The following ATP8B4 variants were observed in gnomAD, a reference collection of about 807,000 sequenced individuals.
ATP8B4 encodes probable phospholipid-transporting ATPase IM.
In ATP8B4, 133 loss-of-function variants were observed where a neutral mutation model predicts 145.6. The ratio of observed to expected loss-of-function variants is 0.91; its 90% CI spans 0.79 to 1.05. The LOEUF is 1.05. ATP8B4 is among the 50% of genes least tolerant of loss of function. The pLI is 0.00. For synonymous variants in ATP8B4, 507 were observed against 492.9 expected, an observed-to-expected ratio of 1.03 and a Z score of -0.38; for missense variants, 1,458 against 1,425.2, an observed-to-expected ratio of 1.02 and a Z score of -0.37.
chr15:50,077,747 G>A (rs2054276048), intron 2 of ATP8B4, among the ~76,000 whole-genome samples: 1 of 152,138 alleles, frequency 6.6e-6, no homozygotes, highest in African/African-American at 2.4e-5. Flanking sequence ...CCCACAAAGA[G>A]AGCAGACAAC....
At chr15:50,100,587 T>C (rs1600380647) in intron 2 of ATP8B4, among the ~76,000 whole-genome samples, 2 of 152,248 alleles carry the variant, frequency 1.3e-5, no homozygotes, top group South Asian at 2.1e-4. Context: ...AATAAAAAGC[T>C]CTCCAGACTA....
Position 49,876,600 on chromosome 15 carries a change from T to C in ATP8B4, c.2782-77A>G, listed in dbSNP as rs28546523. On this transcript the variant is annotated intron_variant, in intron 24 of 27. Coordinates refer to ENST00000284509, the MANE Select transcript of ATP8B4 (RefSeq NM_024837.4). ...GCCTTGTATTCCCTATCTTCAGAAA[T>C]AGCAAATGCCTGTTTAAACATGTCC... The C allele has an allele frequency of 2.3e-3, 3,678 of 1,573,094 alleles. 94 individuals carry two copies. In the African/African-American group the frequency reaches 0.045, roughly 19 times the overall value.
At chr15:50,128,549 CAG>C (rs2057322171) in intron 1 of ATP8B4, among the ~76,000 whole-genome samples, 1 of 152,202 alleles carries the variant, frequency 6.6e-6, no homozygotes, top group Non-Finnish European at 1.5e-5. Flanking sequence ...TCTACTGTCA[CAG>C]AGTCACACAG....
rs2041509718 is a variant in ATP8B4 at position 49,934,035 on chromosome 15, A to T, written c.1435T>A (p.Ser479Thr). 6.2e-7 allele frequency: 1 copy of T among 1,609,932 alleles called. No homozygotes were observed. Among genetic ancestry groups the T allele is most frequent in the Non-Finnish European group, 8.5e-7 (1 of 1,178,268 alleles). Reference sequence around the variant, plus strand: ...CACTTACCTGCGCTATTCTCTTCTGACATTACAGTGTGGCAGAGAGCAAGT... The same window carrying T: ...CACTTACCTGCGCTATTCTCTTCTGTCATTACAGTGTGGCAGAGAGCAAGT... ...RLLALCHTVM[S>T]EENSAGELIY... Residue 479 changes from serine (S) to threonine (T), a missense_variant, in exon 15 of 28, where the codon TCA becomes ACA. By Grantham distance (58) the Ser-to-Thr change is moderately conservative (BLOSUM62 1). Transcript: ENST00000284509.
rs1428956644 is a variant in ATP8B4 at position 49,858,947 on chromosome 15, GGTAGGTA to G, written c.*1240_*1246del. The G allele has an allele frequency of 1.3e-5, 2 of 152,130 alleles. No homozygotes were observed. The highest frequency in any genetic ancestry group is 2.9e-5 in the Non-Finnish European group (2 of 68,028). 9.4% of individuals were successfully genotyped at this position (152,130 alleles called of 1,614,324 possible). On this transcript the variant is annotated 3_prime_UTR_variant, in exon 28 of 28. Coordinates refer to ENST00000284509, the MANE Select transcript of ATP8B4 (RefSeq NM_024837.4). The stretch of plus-strand genomic sequence containing the variant: ...AGACAATCATCAACCAACCACATGA[GGTAGGTA>G]GTATGTCCTCATTTTACAGAGGAAG...
chr15:50,027,947 A>G (rs2050137835), intron 6 of ATP8B4, among the ~76,000 whole-genome samples: 1 of 152,250 alleles, frequency 6.6e-6, no homozygotes, highest in African/African-American at 2.4e-5. Flanking sequence ...CCTATCAGCA[A>G]TGTTAAGTGA....
At position 50,126,821 on chromosome 15, in the gene ATP8B4, A is replaced by G. The variant is rs533746581; in HGVS notation, c.-42-19813T>C. ...TAGAAACTAAAAATAACATCTTAAC[A>G]TATGTCCCTGAGCTGTTTTGCAGAA... On this transcript the variant is annotated intron_variant, in intron 1 of 3. Transcript: ENST00000558829. Among the ~76,000 whole-genome samples, 5 of 152,266 alleles carry G rather than the reference A, an allele frequency of 3.3e-5. No individual in the cohort carries two copies. The South Asian group carries it at 1.0e-3, about 32-fold the overall frequency.
intron 5 of ATP8B4, among the ~76,000 whole-genome samples, chr15:50,044,261 T>G (rs901920343): frequency 1.2e-4 from 18 of 152,334 alleles, no homozygotes; most frequent in African/African-American, 4.3e-4. Flanking sequence ...TGATAAAGAA[T>G]AAGTAACACT....
rs568673215 is a variant in ATP8B4, at chr15:49,963,800, C to A, written c.1244-1780G>T. Among the ~76,000 whole-genome samples, 13 of 152,120 alleles carry A rather than the reference C, an allele frequency of 8.5e-5. No individual in the cohort carries two copies. The South Asian group carries it at 1.9e-3, about 22-fold the overall frequency. On this transcript the variant is annotated intron_variant, in intron 13 of 27. Transcript: ENST00000284509. The stretch of plus-strand genomic sequence containing the variant: ...TCAAGAATAGCTAAAGGATGCTGGG[C>A]TTAATACCTAGGTGATGGGATGATC...
chr15:50,161,819 CTG>C (rs138352943), intron 1 of ATP8B4, among the ~76,000 whole-genome samples: 12,719 of 152,034 alleles, frequency 0.084, 618 homozygotes, highest in African/African-American at 0.13. Flanking sequence ...TTGTAATATT[CTG>C]TGTTTTTCTC....
intron 17 of ATP8B4, among the ~76,000 whole-genome samples, chr15:49,921,219 A>T (rs1436481294): frequency 1.3e-5 from 2 of 152,216 alleles, no homozygotes; most frequent in Non-Finnish European, 2.9e-5. Flanking sequence ...TTGCTGTATT[A>T]AAGTTTTATC....
At chr15:49,998,058 C>G (rs573865358) in intron 8 of ATP8B4, among the ~76,000 whole-genome samples, 1 of 152,084 alleles carries the variant, frequency 6.6e-6, no homozygotes, top group African/African-American at 2.4e-5. Context: ...ACCAAAAAAG[C>G]CAGATAGCCC....
Position 50,087,031 on chromosome 15 carries a change from A to T in ATP8B4, c.29-12846T>A, listed in dbSNP as rs1600290650. Among the ~76,000 whole-genome samples, 5 of 118,328 alleles carry T rather than the reference A, an allele frequency of 4.2e-5. No homozygotes were observed. The South Asian group carries it at 1.3e-3, about 30-fold the overall frequency. 77.6% of individuals were successfully genotyped at this position (118,328 alleles called of 152,430 possible). A position where few individuals can be genotyped will look rare whatever the true frequency, so the allele number is the denominator to read the frequency against. On this transcript the variant is annotated intron_variant, in intron 2 of 27. Coordinates refer to ENST00000284509, the MANE Select transcript of ATP8B4 (RefSeq NM_024837.4). The stretch of plus-strand genomic sequence containing the variant: ...GAGATCTATATTATTATATATAATA[A>T]AATAATATAGAGATCTATATTTATT...
Position 49,876,434 on chromosome 15 carries a change from A to C in ATP8B4, c.2871T>G (p.Ile957Met). ...NLLFNKRKFF[I>M]CVLHGIYTSL... ...AGGTGTAGATTCCATGCAACACGCA[A>C]ATGAAAAATTTACGCTTGTTAAAAA... Residue 957 changes from isoleucine to methionine, a missense_variant, in exon 25 of 28, where the codon ATT (isoleucine) becomes ATG (methionine). By Grantham distance (10) the Ile-to-Met change is conservative (BLOSUM62 1). Transcript: ENST00000284509. 6.2e-7 allele frequency: 1 copy of C among 1,614,064 alleles called. No homozygotes were observed. The highest frequency in any genetic ancestry group is 8.5e-7 in the Non-Finnish European group (1 of 1,179,974).
At chr15:50,058,397 C>G (rs2052758881) in intron 3 of ATP8B4, among the ~76,000 whole-genome samples, 2 of 152,194 alleles carry the variant, frequency 1.3e-5, no homozygotes, top group Non-Finnish European at 2.9e-5. Context: ...AGACCATGTT[C>G]ACACTGCTGT....
At chr15:50,006,363 C>G (rs1477138859) in intron 7 of ATP8B4, among the ~76,000 whole-genome samples, 1 of 150,486 alleles carries the variant, frequency 6.6e-6, no homozygotes, top group Non-Finnish European at 1.5e-5. Context: ...AGATATATAT[C>G]AGAGAGAGAG....
chr15:49,978,412 C>T (rs1379196708), intron 12 of ATP8B4, among the ~76,000 whole-genome samples: 2 of 152,134 alleles, frequency 1.3e-5, no homozygotes, highest in Non-Finnish European at 1.5e-5. Flanking sequence ...TGGCCACATG[C>T]CACTACTTCA....
At chr15:50,102,786 CAA>C (rs34999776) in intron 2 of ATP8B4, among the ~76,000 whole-genome samples, 10 of 140,542 alleles carry the variant, frequency 7.1e-5, no homozygotes, top group Non-Finnish European at 9.4e-5. Context: ...ATGGACATAA[CAA>C]AAAAAAAAAA....
chr15:49,924,115 A>T (rs760027056), intron 16 of ATP8B4, among the ~76,000 whole-genome samples: 1 of 152,138 alleles, frequency 6.6e-6, no homozygotes, highest in African/African-American at 2.4e-5. Flanking sequence ...CTGGAAGTCT[A>T]TATCGGTAGT....
Sources: allele counts gnomAD v4.1 joint callset (sites outside exome capture counted in the v4.1 genomes callset), GRCh38; gene constraint gnomAD v4.1.1; transcripts MANE v1.5; gene names NCBI Gene and HGNC (gene_info 2026-07-23, HGNC 2026-07-21).